CEP89: variants seen among roughly 807,000 people sequenced by gnomAD.
CEP89 encodes the protein centrosomal protein 89, also known as centrosomal protein of 89 kDa.
A neutral mutation model predicts 97.6 loss-of-function variants in CEP89; 95 were observed. The observed-to-expected ratio is 0.97, with a 90% CI of 0.82 to 1.15. The LOEUF is 1.15. CEP89 is among the 50% of genes most tolerant of loss of function. The probability of loss-of-function intolerance (pLI) is 0.00; values close to 1 mark genes in which losing one functional copy is unlikely to be tolerated. For synonymous variants in CEP89, 354 were observed against 349.1 expected, an observed-to-expected ratio of 1.01 and a Z score of -0.16; for missense variants, 869 against 947.7, an observed-to-expected ratio of 0.92 and a Z score of 1.09.
chr19:32,930,021 C>CTTT (rs777333613), intron 9 of CEP89, among the ~76,000 whole-genome samples: 3 of 133,408 alleles, frequency 2.2e-5, no homozygotes, highest in Non-Finnish European at 3.2e-5. Context: ...CTTTTTTTTC[C>CTTT]TTTTTTTTTT....
intron 13 of CEP89, 31 bp from the exon 14 acceptor site, chr19:32,915,548 G>C (rs1228257064): frequency 6.3e-7 from 1 of 1,578,396 alleles, no homozygotes; most frequent in Non-Finnish European, 8.6e-7. Flanking sequence ...ATAAAAACTT[G>C]GCACAGAAGA....
chr19:32,964,567 C>T (rs1252830494), intron 2 of CEP89, among the ~76,000 whole-genome samples: 2 of 152,184 alleles, frequency 1.3e-5, no homozygotes, highest in Non-Finnish European at 2.9e-5. Context: ...CAAACTGTGG[C>T]ATATTCATAT....
chr19:32,948,055 C>T (rs1447214046), intron 5 of CEP89, among the ~76,000 whole-genome samples: 1 of 152,188 alleles, frequency 6.6e-6, no homozygotes, highest in African/African-American at 2.4e-5. Context: ...GATCCTCCAG[C>T]CTTGGCCTTC....
In CEP89 at chr19:32,923,474, C is replaced by A. The variant is rs1233761576; in HGVS notation, c.1233G>T (p.Glu411Asp). 4.3e-6 allele frequency: 7 copies of A among 1,609,918 alleles called. No individual in the cohort carries two copies. Among genetic ancestry groups the A allele is most frequent in the Non-Finnish European group, 6.0e-6 (7 of 1,176,376 alleles). The change falls in exon 12 of 19, where the codon GAG becomes GAT. Residue 411 changes from glutamate to aspartate, a missense_variant. Coordinates refer to ENST00000305768, the MANE Select transcript of CEP89 (RefSeq NM_032816.5). ...TGGTAACAGCACTACTCTTATTTAACTCTTGGTGCAATTCTTCATTTTCTT... is the reference window on the plus strand; with the variant it reads ...TGGTAACAGCACTACTCTTATTTAAATCTTGGTGCAATTCTTCATTTTCTT... Reference protein sequence around the residue: ...VVKENEELHQELNKSSAVTSE... With the variant: ...VVKENEELHQDLNKSSAVTSE...
chr19:32,946,627 C>A (rs750014500), intron 5 of CEP89, among the ~76,000 whole-genome samples: 2 of 152,140 alleles, frequency 1.3e-5, no homozygotes, highest in Non-Finnish European at 2.9e-5. Flanking sequence ...CTCATATTGT[C>A]GGAGGGACCC....
chr19:32,946,220 G>T (rs1376851528), intron 5 of CEP89, among the ~76,000 whole-genome samples: 1 of 152,084 alleles, frequency 6.6e-6, no homozygotes. Flanking sequence ...TCCCATCTCA[G>T]CCTCCTGCAT....
At chr19:32,921,275 C>CGT (rs1970243772) in intron 12 of CEP89, among the ~76,000 whole-genome samples, 1 of 151,868 alleles carries the variant, frequency 6.6e-6, no homozygotes, top group Admixed American at 6.6e-5. Flanking sequence ...GTGTGAAGTC[C>CGT]GTGTACCGAG....
In CEP89 at chr19:32,883,493, A is replaced by G. The variant is rs973488963; in HGVS notation, c.1966-1480T>C. On this transcript the variant is annotated intron_variant, in intron 17 of 18. Transcript: ENST00000305768. ...GGAGTTCCAGACCAGCCTGGCCAAC[A>G]TGGTGAAACCCTGTCTCTATTAAAA... Among the ~76,000 whole-genome samples, 4 of 152,006 alleles carry G rather than the reference A, an allele frequency of 2.6e-5. No individual in the cohort carries two copies. The South Asian group carries it at 8.3e-4, about 32-fold the overall frequency.
intron 2 of CEP89, among the ~76,000 whole-genome samples, chr19:32,961,817 T>C (rs993655769): frequency 1.3e-5 from 2 of 151,884 alleles, no homozygotes; most frequent in African/African-American, 4.8e-5. Context: ...CTAATTTTTA[T>C]ATTTTTTGTA....
At chr19:32,913,308 TTTTTG>T (rs58789789) in intron 14 of CEP89, among the ~76,000 whole-genome samples, 29,620 of 100,990 alleles carry the variant, frequency 0.29, 3,235 homozygotes, top group East Asian at 0.58. Context: ...TATATATATT[TTTTTG>T]TTGTTGTTGT....
In CEP89 at chr19:32,929,330, G is replaced by A. The variant is rs112214255; in HGVS notation, c.1029+2099C>T. 7.0e-3 allele frequency among the ~76,000 whole-genome samples: 1,070 copies of A among 152,218 alleles called. 16 individuals carry two copies. Among genetic ancestry groups the A allele is most frequent in the African/African-American group, 0.024 (993 of 41,514 alleles). ...TTAAAAGAGAGAGAGGGCCGGGCAT[G>A]GTGGTTCATGCCTGTAATCCCAGCA... On this transcript the variant is annotated intron_variant, in intron 9 of 18. Coordinates refer to ENST00000305768, the MANE Select transcript of CEP89 (RefSeq NM_032816.5).
At chr19:32,906,840 A>C (rs1242833895) in intron 14 of CEP89, among the ~76,000 whole-genome samples, 1 of 151,938 alleles carries the variant, frequency 6.6e-6, no homozygotes, top group Non-Finnish European at 1.5e-5. Flanking sequence ...CAGTTCTAAA[A>C]ATTCTATTTG....
intron 3 of CEP89, among the ~76,000 whole-genome samples, chr19:32,958,386 T>A (rs1311337252): frequency 6.6e-6 from 1 of 152,084 alleles, no homozygotes; most frequent in Non-Finnish European, 1.5e-5. Context: ...ATTTAGTATA[T>A]CAAAAAAGCC....
chr19:32,966,163 G>A, intron 2 of CEP89, 197 bp downstream of exon 2: 1 of 396,780 alleles, frequency 2.5e-6, no homozygotes, highest in East Asian at 3.6e-5. Flanking sequence ...ACCTGAAAAG[G>A]AGAGACCTCA....
chr19:32,877,539 T>G lies in CEP89; in HGVS notation c.*1623A>C, dbSNP rs1247680184. 6.6e-6 allele frequency: 1 copy of G among 152,358 alleles called. No homozygotes were observed. The highest frequency in any genetic ancestry group is 6.5e-5 in the Admixed American group (1 of 15,268). The allele number at this position is 152,358 out of a possible 1,614,324, so 9.4% of individuals were successfully genotyped here. A position where few individuals can be genotyped will look rare whatever the true frequency, so the allele number is the denominator to read the frequency against. ...GGGACAGAACCATGGCCCCCTGGTA[T>G]GCTTCTTGGTGGTGGCAGTGGGGCA... On this transcript the variant is annotated 3_prime_UTR_variant, in exon 19 of 19. Coordinates refer to ENST00000305768, the MANE Select transcript of CEP89 (RefSeq NM_032816.5).
At chr19:32,923,872 C>G (rs1025799832) in intron 11 of CEP89, among the ~76,000 whole-genome samples, 1 of 152,168 alleles carries the variant, frequency 6.6e-6, no homozygotes. Context: ...TCAACGCTGA[C>G]ATTTTTCCTT....
intron 8 of CEP89, among the ~76,000 whole-genome samples, chr19:32,932,192 AAAAG>A (rs542213907): frequency 1.3e-5 from 2 of 152,046 alleles, no homozygotes; most frequent in South Asian, 2.1e-4. Context: ...CAAAAAAAAA[AAAAG>A]AAAGAGAAAA....
chr19:32,963,223 G>C (rs1971205286), intron 2 of CEP89, among the ~76,000 whole-genome samples: 1 of 152,120 alleles, frequency 6.6e-6, no homozygotes, highest in Admixed American at 6.6e-5. Flanking sequence ...GGGTGTGGTG[G>C]TGCATGCCTG....
chr19:32,963,172 A>G (rs1306409918), intron 2 of CEP89, among the ~76,000 whole-genome samples: 2 of 152,162 alleles, frequency 1.3e-5, no homozygotes, highest in East Asian at 3.9e-4. Flanking sequence ...CCTGGCCAAC[A>G]TGGCAAAACC....
Sources: gnomAD v4.1 joint callset for allele counts (sites outside exome capture counted in the v4.1 genomes callset) on GRCh38, gnomAD v4.1.1 for gene constraint, MANE v1.5 for transcripts, NCBI Gene and HGNC (gene_info 2026-07-23, HGNC 2026-07-21) for gene names.